The following CPNE4 variants were observed in gnomAD, a reference collection of about 807,000 sequenced individuals.
CPNE4 encodes copine 4.
A neutral mutation model predicts 67.9 loss-of-function variants in CPNE4; 25 were observed. That is an observed-to-expected ratio of 0.37 (90% confidence interval 0.27 to 0.51). The LOEUF (loss-of-function observed/expected upper bound fraction) is 0.51, where lower values mean the gene tolerates loss of function less well. Among genes scored for constraint, CPNE4 ranks in the 20% least tolerant of loss-of-function variants. CPNE4 has a pLI of 0.93. For missense variants in CPNE4, 464 were observed against 690.8 expected (o/e 0.67, Z 3.68); for synonymous variants, 242 against 244.9 (o/e 0.99, Z 0.11).
In CPNE4 at chr3:131,988,697, T is replaced by G. The variant is rs543214517; in HGVS notation, c.-2+45870A>C. ...CACTGTCCTTATTGTTTCCGTATTC[T>G]CCAGGCTTACCAGAATAATCTCAAT... On this transcript the variant is annotated intron_variant, in intron 1 of 15. Transcript: ENST00000429747. Among the ~76,000 whole-genome samples the G allele has an allele frequency of 8.5e-5, 13 of 152,348 alleles. No homozygotes were observed. The East Asian group carries it at 2.3e-3, about 27-fold the overall frequency.
chr3:131,729,124 C>T (rs1217295318), intron 2 of CPNE4, among the ~76,000 whole-genome samples: 4 of 152,034 alleles, frequency 2.6e-5, no homozygotes, highest in Admixed American at 2.6e-4. Flanking sequence ...ACTGAATGCT[C>T]TAAGGTTTCC....
chr3:131,852,347 AAC>A (rs1214669687), intron 2 of CPNE4, among the ~76,000 whole-genome samples: 1 of 152,036 alleles, frequency 6.6e-6, no homozygotes, highest in African/African-American at 2.4e-5. Flanking sequence ...TCATCTCAGA[AAC>A]ACAGAGTTGG....
chr3:131,927,451 T>C (rs2070927666), intron 1 of CPNE4, among the ~76,000 whole-genome samples: 1 of 151,640 alleles, frequency 6.6e-6, no homozygotes, highest in Non-Finnish European at 1.5e-5. Flanking sequence ...TGTCTTTCAC[T>C]CACTCATGTG....
intron 2 of CPNE4, among the ~76,000 whole-genome samples, chr3:131,834,465 G>A (rs891755076): frequency 6.6e-6 from 1 of 151,978 alleles, no homozygotes; most frequent in Admixed American, 6.6e-5. Context: ...TAAAGCTGTG[G>A]GTGGTGAAGA....
chr3:131,537,006 G>GGTTAAAAGTTAAAAGACTTTTCCCTT (rs1935184023), intron 15 of CPNE4, among the ~76,000 whole-genome samples: 10 of 152,070 alleles, frequency 6.6e-5, no homozygotes, highest in Admixed American at 2.0e-4. Flanking sequence ...TTTCTCTCCT[G>GGTTAAAAGTTAAAAGACTTTTCCCTT]GTTAAAAGTT....
At chr3:131,634,641 A>T (rs2107784343) in intron 7 of CPNE4, among the ~76,000 whole-genome samples, 1 of 152,326 alleles carries the variant, frequency 6.6e-6, no homozygotes, top group East Asian at 1.9e-4. Context: ...CAGACCTTCA[A>T]TATTCTCATT....
chr3:131,875,683 G>T (rs945086450), intron 2 of CPNE4, among the ~76,000 whole-genome samples: 19 of 143,026 alleles, frequency 1.3e-4, no homozygotes, highest in African/African-American at 4.8e-4. Context: ...GCCTGTCCTG[G>T]GGTGGGGGGA....
chr3:131,634,913 T>C (rs770896857), intron 7 of CPNE4, among the ~76,000 whole-genome samples: 12 of 152,094 alleles, frequency 7.9e-5, no homozygotes, highest in Non-Finnish European at 1.5e-4. Flanking sequence ...AAAAATAAAT[T>C]AATAACACAT....
chr3:131,704,411 C>T (rs749021146), intron 3 of CPNE4, among the ~76,000 whole-genome samples: 4 of 152,174 alleles, frequency 2.6e-5, no homozygotes, highest in Non-Finnish European at 4.4e-5. Context: ...GTAGTGAGGG[C>T]TGACACTGGG....
At chr3:131,896,482 C>T (rs1025206963) in intron 2 of CPNE4, among the ~76,000 whole-genome samples, 1 of 151,900 alleles carries the variant, frequency 6.6e-6, no homozygotes, top group African/African-American at 2.4e-5. Context: ...AATGTACATC[C>T]CCTACAAACC....
intron 1 of CPNE4, among the ~76,000 whole-genome samples, chr3:131,955,410 G>GTTTTTT (rs766033406): frequency 0.045 from 1,852 of 40,868 alleles, 175 homozygotes; most frequent in African/African-American, 0.058. Context: ...TGTATGTAAG[G>GTTTTTT]TTTTTTTTTT....
At chr3:131,870,795 T>C (rs1326759921) in intron 2 of CPNE4, among the ~76,000 whole-genome samples, 2 of 152,202 alleles carry the variant, frequency 1.3e-5, no homozygotes, top group Non-Finnish European at 2.9e-5. Flanking sequence ...AGACTCAGGA[T>C]AGCAGATAGC....
At chr3:131,898,836 T>C (rs1471648802) in intron 2 of CPNE4, among the ~76,000 whole-genome samples, 1 of 152,124 alleles carries the variant, frequency 6.6e-6, no homozygotes, top group African/African-American at 2.4e-5. Flanking sequence ...TTCTTTTTCT[T>C]TTTTGTTTTT....
At chr3:131,581,495 C>T (rs1937833266) in intron 9 of CPNE4, 84 bp downstream of exon 9, 3 of 875,304 alleles carry the variant, frequency 3.4e-6, no homozygotes, top group Non-Finnish European at 5.7e-6. Flanking sequence ...TTTTGATACT[C>T]TTTTCCTCTG....
intron 11 of CPNE4, among the ~76,000 whole-genome samples, chr3:131,562,752 C>G (rs1051049917): frequency 6.6e-6 from 1 of 151,988 alleles, no homozygotes; most frequent in Non-Finnish European, 1.5e-5. Flanking sequence ...ATAAACCTCT[C>G]TAGGAACCCC....
intron 10 of CPNE4, among the ~76,000 whole-genome samples, chr3:131,568,214 A>G (rs771646543): frequency 1.3e-5 from 2 of 152,014 alleles, no homozygotes; most frequent in Non-Finnish European, 2.9e-5. Flanking sequence ...ATTTTCTGGA[A>G]AGTAGTGGTT....
intron 7 of CPNE4, among the ~76,000 whole-genome samples, chr3:131,631,823 T>C (rs753306714): frequency 1.3e-5 from 2 of 151,886 alleles, no homozygotes; most frequent in South Asian, 4.2e-4. Flanking sequence ...TTTAGATTTT[T>C]TGAGGGCCTA....
chr3:131,929,463 A>G (rs2070992226), intron 1 of CPNE4, among the ~76,000 whole-genome samples: 1 of 152,072 alleles, frequency 6.6e-6, no homozygotes, highest in Non-Finnish European at 1.5e-5. Context: ...ACTCATAAAA[A>G]TCTGTCTGCT....
intron 7 of CPNE4, among the ~76,000 whole-genome samples, chr3:131,592,617 G>GTATA (rs1559952219): frequency 6.7e-6 from 1 of 148,914 alleles, no homozygotes; most frequent in East Asian, 1.9e-4. Flanking sequence ...ACATATATAT[G>GTATA]TGTGTGTATA....
Sources: gnomAD v4.1 joint callset for allele counts (sites outside exome capture counted in the v4.1 genomes callset) on GRCh38, gnomAD v4.1.1 for gene constraint, MANE v1.5 for transcripts, NCBI Gene and HGNC (gene_info 2026-07-23, HGNC 2026-07-21) for gene names.